MICAL2: variants seen among roughly 807,000 people sequenced by gnomAD.
MICAL2 encodes the protein [F-actin]-monooxygenase MICAL2.
A neutral mutation model predicts 127.3 loss-of-function variants in MICAL2; 77 were observed. The ratio of observed to expected loss-of-function variants is 0.60; its 90% CI spans 0.50 to 0.73. The LOEUF is 0.73. Among genes scored for constraint, MICAL2 ranks in the 30% least tolerant of loss-of-function variants. MICAL2 has a pLI of 0.00. For missense variants in MICAL2, 1,351 were observed against 1,434.4 expected (o/e 0.94, Z 0.94); for synonymous variants, 570 against 551.1 (o/e 1.03, Z -0.48).
chr11:12,213,823 AG>A (rs1453759961), intron 7 of MICAL2, among the ~76,000 whole-genome samples: 1 of 152,228 alleles, frequency 6.6e-6, no homozygotes, highest in Non-Finnish European at 1.5e-5. Flanking sequence ...GGAGGGAGCC[AG>A]TCACCTATGG....
chr11:12,175,546 G>A (rs571257539), intron 3 of MICAL2, among the ~76,000 whole-genome samples: 2 of 152,094 alleles, frequency 1.3e-5, no homozygotes, highest in African/African-American at 4.8e-5. Flanking sequence ...GTGAGAGAGA[G>A]AGAGAAAGAG....
In MICAL2 at chr11:12,221,640, G is replaced by T. The variant is rs1267490914; in HGVS notation, c.1207-4G>T. The T allele has an allele frequency of 1.2e-6, 2 of 1,602,410 alleles. No individual in the cohort carries two copies. Among genetic ancestry groups the T allele is most frequent in the African/African-American group, 2.7e-5 (2 of 74,464 alleles). On this transcript the variant is annotated splice_polypyrimidine_tract_variant and splice_region_variant and intron_variant, in intron 9 of 27. Coordinates refer to ENST00000683283, the MANE Select transcript of MICAL2 (RefSeq NM_001282663.2). Reference sequence around the variant, plus strand: ...ACTGGAATTTTGCACGTTTTCTTTTGCAGCCATTTTGGCCCATGGGTACAG... The same window carrying T: ...ACTGGAATTTTGCACGTTTTCTTTTTCAGCCATTTTGGCCCATGGGTACAG...
chr11:12,240,734 T>C (rs2706630), intron 17 of MICAL2, among the ~76,000 whole-genome samples: 146,561 of 152,290 alleles, frequency 0.96, 70,704 homozygotes, highest in Non-Finnish European at 1. Context: ...CACCCTGGCC[T>C]GGCATGGGCT....
intron 1 of MICAL2, among the ~76,000 whole-genome samples, chr11:12,137,113 C>G (rs1388913907): frequency 6.6e-6 from 1 of 152,246 alleles, no homozygotes; most frequent in Non-Finnish European, 1.5e-5. Flanking sequence ...AGCACCGAGC[C>G]TGCAGCACAG....
rs763798653 is a variant in MICAL2 at position 12,221,734 on chromosome 11, C to A, written c.1297C>A (p.Pro433Thr). 1.2e-6 allele frequency: 2 copies of A among 1,613,500 alleles called. No homozygotes were observed. Among genetic ancestry groups the A allele is most frequent in the South Asian group, 2.2e-5 (2 of 91,008 alleles). ...GGTGAAGAGCTGGAACCAGGGCACC[C>A]CTCCCCTGGAGCTGCTGGCTGAAAG... is the stretch of plus-strand genomic sequence containing the variant. The part of the protein sequence containing the change: ...WMVKSWNQGT[P>T]PLELLAERES... The change falls in exon 10 of 28, where the codon CCT becomes ACT. Residue 433 changes from proline (P) to threonine (T), a missense_variant. By Grantham distance (38) the Pro-to-Thr change is conservative. Coordinates refer to ENST00000683283, the MANE Select transcript of MICAL2 (RefSeq NM_001282663.2).
At chr11:12,249,839 CACAA>C (rs1169528434) in intron 22 of MICAL2, 1 of 152,312 alleles carries the variant, frequency 6.6e-6, no homozygotes, top group African/African-American at 2.4e-5. Context: ...ATTGTTCTCA[CACAA>C]ACAGGGCCTG....
At chr11:12,329,955 A>G (rs1864397500) in intron 32 of MICAL2, among the ~76,000 whole-genome samples, 1 of 152,004 alleles carries the variant, frequency 6.6e-6, no homozygotes, top group Admixed American at 6.5e-5. Flanking sequence ...AGGTGTGCCA[A>G]GCCAGACAGA....
At chr11:12,219,109 A>G (rs1856516844) in intron 8 of MICAL2, among the ~76,000 whole-genome samples, 1 of 152,198 alleles carries the variant, frequency 6.6e-6, no homozygotes, top group African/African-American at 2.4e-5. Context: ...AGTAAACAGC[A>G]GAGGTGGACT....
At chr11:12,195,481 T>C (rs1416156822) in intron 3 of MICAL2, among the ~76,000 whole-genome samples, 1 of 151,534 alleles carries the variant, frequency 6.6e-6, no homozygotes, top group Non-Finnish European at 1.5e-5. Context: ...AGGTGGGGAG[T>C]ATTTGGATGT....
intron 26 of MICAL2, chr11:12,260,470 G>A (rs1203986937): frequency 8.9e-7 from 1 of 1,129,336 alleles, no homozygotes; most frequent in African/African-American, 1.6e-5. Flanking sequence ...TTTTTTCTAT[G>A]AGTGTCAATT....
intron 29 of MICAL2, among the ~76,000 whole-genome samples, chr11:12,315,373 G>A (rs1014006735): frequency 6.6e-6 from 1 of 152,090 alleles, no homozygotes; most frequent in African/African-American, 2.4e-5. Context: ...ATTCTAATAT[G>A]TTGTGTTTTC....
At chr11:12,114,526 C>T (rs969758414) in intron 1 of MICAL2, among the ~76,000 whole-genome samples, 1 of 152,168 alleles carries the variant, frequency 6.6e-6, no homozygotes, top group African/African-American at 2.4e-5. Context: ...GTTAACTGCC[C>T]ATCTCCCCTA....
rs533978955 is a variant in MICAL2 at position 12,353,827 on chromosome 11, A to G, written c.5616-957A>G. 2.6e-5 allele frequency among the ~76,000 whole-genome samples: 4 copies of G among 152,264 alleles called. No homozygotes were observed. In the South Asian group the frequency reaches 8.3e-4, roughly 32 times the overall value. On this transcript the variant is annotated intron_variant, in intron 33 of 34. Transcript: ENST00000646065. ...CAGCTGGAGAGTTGCCTGAGTTTTA[A>G]GTCCCCCACCCCACCCACACAAAAT...
intron 3 of MICAL2, among the ~76,000 whole-genome samples, chr11:12,203,310 C>A (rs1854266992): frequency 6.6e-6 from 1 of 152,164 alleles, no homozygotes; most frequent in Non-Finnish European, 1.5e-5. Flanking sequence ...GTGGTTTAAA[C>A]CTCTATGTTT....
chr11:12,304,637 AACACACACACACACACACACACACACAC>A (rs57280679), intron 29 of MICAL2, among the ~76,000 whole-genome samples: 2 of 128,922 alleles, frequency 1.6e-5, no homozygotes, highest in South Asian at 2.6e-4. Flanking sequence ...CTCTGTCTCA[AACACACACACACACACACACACACACAC>A]ACACACACAC....
chr11:12,242,434 T>C lies in MICAL2; in HGVS notation c.2556+2T>C. The C allele has an allele frequency of 1.3e-6, 2 of 1,597,796 alleles. No homozygotes were observed. Among genetic ancestry groups the C allele is most frequent in the Non-Finnish European group, 1.7e-6 (2 of 1,170,222 alleles). On this transcript the variant is annotated splice_donor_variant, in intron 19 of 27. Transcript: ENST00000683283. LOFTEE classifies it high-confidence loss of function. Reference sequence around the variant, plus strand: ...CAAGTGGAGGAAAAGATTCTCCAGGTGAGAGACTCACTTTTTGCCCGTCTC... The same window carrying C: ...CAAGTGGAGGAAAAGATTCTCCAGGCGAGAGACTCACTTTTTGCCCGTCTC...
intron 3 of MICAL2, among the ~76,000 whole-genome samples, chr11:12,187,741 C>T (rs1273438081): frequency 6.6e-6 from 1 of 152,200 alleles, no homozygotes; most frequent in Non-Finnish European, 1.5e-5. Flanking sequence ...GGCTATCTTG[C>T]TGGTGGCTGG....
chr11:12,312,319 T>A (rs10444220), intron 29 of MICAL2, among the ~76,000 whole-genome samples: 114 of 151,166 alleles, frequency 7.5e-4, no homozygotes, highest in African/African-American at 2.6e-3. Context: ...GAAATGGATC[T>A]TAGAACAACA....
In MICAL2 at chr11:12,226,927, A is replaced by AC. The variant is rs1857553641; in HGVS notation, c.1889-97dup. On this transcript the variant is annotated intron_variant, in intron 14 of 27. Coordinates refer to ENST00000683283, the MANE Select transcript of MICAL2 (RefSeq NM_001282663.2). ...TCTTGGCCTCCCAAGTGCTGGGATTACAGGCGTGAGCCACCACACCCAGCC... is the reference window on the plus strand; with the variant it reads ...TCTTGGCCTCCCAAGTGCTGGGATTACCAGGCGTGAGCCACCACACCCAGCC... The AC allele has an allele frequency of 8.9e-6, 8 of 896,856 alleles. No individual in the cohort carries two copies. The South Asian group carries it at 1.1e-4, about 12-fold the overall frequency. The allele number at this position is 896,856 out of a possible 1,614,324, so 55.6% of individuals were successfully genotyped here.
Sources: allele counts gnomAD v4.1 joint callset (sites outside exome capture counted in the v4.1 genomes callset), GRCh38; gene constraint gnomAD v4.1.1; transcripts MANE v1.5; gene names NCBI Gene and HGNC (gene_info 2026-07-23, HGNC 2026-07-21).